Variants in SKP1 observed in about 807,000 individuals in gnomAD.
SKP1 encodes the protein S-phase kinase-associated protein 1.
Under a neutral mutation model 21.5 loss-of-function variants are expected in SKP1, and 1 was observed. The ratio of observed to expected loss-of-function variants is 0.05; its 90% confidence interval spans 0.02 to 0.22. SKP1 has a LOEUF of 0.22. Among genes scored for constraint, SKP1 ranks in the 10% least tolerant of loss-of-function variants. SKP1 has a pLI of 1.00. For missense variants in SKP1, 70 were observed against 192.0 expected (o/e 0.36, Z 3.76); for synonymous variants, 59 against 59.3 (o/e 0.99, Z 0.03).
chr5:134,169,777 G>A (rs1561722426), intron 2 of SKP1, among the ~76,000 whole-genome samples: 1 of 152,176 alleles, frequency 6.6e-6, no homozygotes. Context: ...AGAGGCAGAC[G>A]TATCACAAGG....
At position 134,169,887 on chromosome 5, in the gene SKP1, G is replaced by A. The variant is rs544752649; in HGVS notation, c.98-2644C>T. On this transcript the variant is annotated intron_variant, in intron 2 of 5. Transcript: ENST00000353411. ...GTGGTGGCGCATGCCTGTAGTCCCA[G>A]CTACTCAGGAGGCTGAGGCAGAAGA... 4.9e-4 allele frequency among the ~76,000 whole-genome samples: 75 copies of A among 152,222 alleles called. 1 individual carries two copies. Among genetic ancestry groups the A allele is most frequent in the Non-Finnish European group, 8.8e-4 (60 of 68,008 alleles).
rs1028478015 is a variant in SKP1 at position 134,150,768 on chromosome 5, T to G, written c.*6965A>C. The G allele has an allele frequency of 2.6e-5, 4 of 152,210 alleles. No homozygotes were observed. The highest frequency in any genetic ancestry group is 4.4e-5 in the Non-Finnish European group (3 of 68,040). 9.4% of individuals were successfully genotyped at this position (152,210 alleles called of 1,614,324 possible). ...TTGTTCCAAATCTCAAATCACCCTATGGGCATCTTTCAAATTCTGACTCCT... is the reference window on the plus strand; with the variant it reads ...TTGTTCCAAATCTCAAATCACCCTAGGGGCATCTTTCAAATTCTGACTCCT... On this transcript the variant is annotated 3_prime_UTR_variant, in exon 6 of 6. Transcript: ENST00000353411.
Position 134,151,686 on chromosome 5 carries a change from C to T in SKP1, c.*6047G>A, listed in dbSNP as rs565609900. On this transcript the variant is annotated 3_prime_UTR_variant, in exon 6 of 6. Transcript: ENST00000353411. Reference sequence around the variant, plus strand: ...TTAAAGTTGACAGATATCAGAAGGTCGCAAGAACTACAGATGTGGAAGCAG... The same window carrying T: ...TTAAAGTTGACAGATATCAGAAGGTTGCAAGAACTACAGATGTGGAAGCAG... 12 of 456,088 alleles carry T rather than the reference C, an allele frequency of 2.6e-5. No homozygotes were observed. Among genetic ancestry groups the T allele is most frequent in the East Asian group, 6.9e-5 (1 of 14,394 alleles). The allele number at this position is 456,088 out of a possible 1,614,324, so 28.3% of individuals were successfully genotyped here.
rs1033731071 is a variant in SKP1, at chr5:134,157,649, G to C, written c.*84C>G. The C allele has an allele frequency of 3.1e-5, 34 of 1,099,730 alleles. No individual in the cohort carries two copies. The highest frequency in any genetic ancestry group is 1.0e-4 in the Admixed American group (6 of 59,210). 68.1% of individuals were successfully genotyped at this position (1,099,730 alleles called of 1,614,324 possible). On this transcript the variant is annotated 3_prime_UTR_variant, in exon 6 of 6. Coordinates refer to ENST00000353411, the MANE Select transcript of SKP1 (RefSeq NM_170679.3). ...TTGCTGCTGCATTTGTCTACTGTTT[G>C]TCTAATATTAACAATTATAAACAGA... is the stretch of plus-strand genomic sequence containing the variant.
rs188578875 is a variant in SKP1 at position 134,175,296 on chromosome 5, A to G, written c.1-1274T>C. ...TGAAATATCCTACTCTCACTCATCC[A>G]TAGTTGGAGAGAATCAGATTTCACT... On this transcript the variant is annotated intron_variant, in intron 1 of 5. Coordinates refer to ENST00000353411, the MANE Select transcript of SKP1 (RefSeq NM_170679.3). 9.8e-5 allele frequency: 15 copies of G among 152,358 alleles called. No individual in the cohort carries two copies. The East Asian group carries it at 2.9e-3, about 29-fold the overall frequency. 9.4% of individuals were successfully genotyped at this position (152,358 alleles called of 1,614,324 possible).
intron 1 of SKP1, among the ~76,000 whole-genome samples, chr5:134,174,276 G>T (rs1305294455): frequency 6.6e-6 from 1 of 152,156 alleles, no homozygotes; most frequent in East Asian, 1.9e-4. Flanking sequence ...CTCACTATTG[G>T]TATAAATTTA....
At chr5:134,167,428 T>C (rs1761351954) in intron 2 of SKP1, among the ~76,000 whole-genome samples, 185 bp from the exon 3 acceptor site, 1 of 152,316 alleles carries the variant, frequency 6.6e-6, no homozygotes, top group Middle Eastern at 3.4e-3. Context: ...ACTAAACATG[T>C]AGACTTGTTT....
chr5:134,158,225 A>G (rs1351341983), intron 5 of SKP1: 11 of 1,430,094 alleles, frequency 7.7e-6, no homozygotes, highest in Middle Eastern at 2.1e-4. Context: ...TACATTAACA[A>G]GAGCTCTTCT....
intron 2 of SKP1, among the ~76,000 whole-genome samples, chr5:134,170,610 CAA>C: frequency 6.6e-6 from 1 of 152,322 alleles, no homozygotes; most frequent in South Asian, 2.1e-4. Context: ...TTGCCAAATT[CAA>C]AAGACTCCAG....
intron 2 of SKP1, among the ~76,000 whole-genome samples, chr5:134,171,431 C>A (rs1268427960): frequency 6.6e-6 from 1 of 152,222 alleles, no homozygotes. Context: ...ACATCATCAT[C>A]TTCCAGAGTT....
At position 134,158,607 on chromosome 5, in the gene SKP1, C is replaced by T. The variant is rs1761162020; in HGVS notation, c.316-12G>A. The stretch of plus-strand genomic sequence containing the variant: ...AAGTAGTTTGCAGCCTGTAAAGAGA[C>T]AGTTGTTTTCCTTAAAGTATACTTG... On this transcript the variant is annotated splice_polypyrimidine_tract_variant and intron_variant, in intron 4 of 5. Coordinates refer to ENST00000353411, the MANE Select transcript of SKP1 (RefSeq NM_170679.3). 6.2e-7 allele frequency: 1 copy of T among 1,610,656 alleles called. No homozygotes were observed. The highest frequency in any genetic ancestry group is 8.5e-7 in the Non-Finnish European group (1 of 1,178,136).
At chr5:134,174,679 CATAATA>C (rs1207188966) in intron 1 of SKP1, 1 of 153,010 alleles carries the variant, frequency 6.5e-6, no homozygotes, top group Non-Finnish European at 1.4e-5. Context: ...GCAAGATCTC[CATAATA>C]ATAACCTATT....
In SKP1 at chr5:134,158,231, C is replaced by T. The variant is rs1239588374; in HGVS notation, c.456+224G>A. 4 of 1,434,344 alleles carry T rather than the reference C, an allele frequency of 2.8e-6. No individual in the cohort carries two copies. The African/African-American group carries it at 4.3e-5, about 15-fold the overall frequency. The allele number at this position is 1,434,344 out of a possible 1,614,324, so 88.9% of individuals were successfully genotyped here. ...AACTGTTAATACATTAACAAGAGCT[C>T]TTCTCATTGAAAACTAATTGTTCTT... On this transcript the variant is annotated intron_variant, in intron 5 of 5. Coordinates refer to ENST00000353411, the MANE Select transcript of SKP1 (RefSeq NM_170679.3).
At position 134,151,147 on chromosome 5, in the gene SKP1, T is replaced by A. The variant is rs767107712; in HGVS notation, c.*6586A>T. On this transcript the variant is annotated 3_prime_UTR_variant, in exon 6 of 6. Transcript: ENST00000353411. ...GCGGGAGATAGTCCAGGCCAATACT[T>A]CTTTCATATTCACCAGGGGCTCTGG... The A allele has an allele frequency of 6.6e-6, 1 of 152,378 alleles. No homozygotes were observed. The highest frequency in any genetic ancestry group is 1.5e-5 in the Non-Finnish European group (1 of 68,196). 9.4% of individuals were successfully genotyped at this position (152,378 alleles called of 1,614,324 possible). A position where few individuals can be genotyped will look rare whatever the true frequency, so the allele number is the denominator to read the frequency against.
In SKP1 at chr5:134,157,531, TC is replaced by T. The variant is rs1465105385; in HGVS notation, c.*201del. 1.8e-6 allele frequency: 1 copy of T among 550,288 alleles called. No individual in the cohort carries two copies. Among genetic ancestry groups the T allele is most frequent in the Non-Finnish European group, 3.3e-6 (1 of 307,630 alleles). 34.1% of individuals were successfully genotyped at this position (550,288 alleles called of 1,614,324 possible). On this transcript the variant is annotated 3_prime_UTR_variant, in exon 6 of 6. Coordinates refer to ENST00000353411, the MANE Select transcript of SKP1 (RefSeq NM_170679.3). The stretch of plus-strand genomic sequence containing the variant: ...TTCAGAGCAAAGAAAAAAGAAACTT[TC>T]CATCATACTAGAAGAAACTTGGCCG...
chr5:134,170,277 G>C (rs1046357600), intron 2 of SKP1, among the ~76,000 whole-genome samples: 2 of 152,216 alleles, frequency 1.3e-5, no homozygotes, highest in Non-Finnish European at 2.9e-5. Flanking sequence ...GTCCAGGCTG[G>C]TTTTGAACTC....
At chr5:134,166,657 C>T (rs1262179327) in intron 3 of SKP1, among the ~76,000 whole-genome samples, 1 of 138,988 alleles carries the variant, frequency 7.2e-6, no homozygotes, top group South Asian at 2.5e-4. Context: ...TTACAAAATA[C>T]TGAAAGGATA....
intron 2 of SKP1, among the ~76,000 whole-genome samples, chr5:134,169,864 G>A (rs1283269391): frequency 1.3e-5 from 2 of 152,196 alleles, no homozygotes; most frequent in African/African-American, 4.8e-5. Context: ...AGCCGGGTGT[G>A]GTGGCGCATG....
chr5:134,161,518 T>G (rs1160795077), intron 3 of SKP1: 1 of 155,000 alleles, frequency 6.5e-6, no homozygotes, highest in Non-Finnish European at 1.4e-5. Flanking sequence ...GAAATCTGAA[T>G]AGCCAAACAT....
Sources: gnomAD v4.1 joint callset for allele counts (sites outside exome capture counted in the v4.1 genomes callset) on GRCh38, gnomAD v4.1.1 for gene constraint, MANE v1.5 for transcripts, NCBI Gene and HGNC (gene_info 2026-07-23, HGNC 2026-07-21) for gene names.